The following PTPRM variants were observed in gnomAD, a reference collection of about 807,000 sequenced individuals.
PTPRM encodes the protein receptor-type tyrosine-protein phosphatase mu.
PTPRM carries 47 observed loss-of-function variants against 186.7 expected under a neutral mutation model. That is an observed-to-expected ratio of 0.25 (90% confidence interval 0.20 to 0.32). The LOEUF (loss-of-function observed/expected upper bound fraction) is 0.32, where lower values mean the gene tolerates loss of function less well. PTPRM is among the 10% of genes least tolerant of loss of function. PTPRM has a pLI of 1.00. For synonymous variants in PTPRM, 668 were observed against 674.9 expected (o/e 0.99, Z 0.16); for missense variants, 1,494 against 1,865.0 (o/e 0.80, Z 3.66).
intron 2 of PTPRM, among the ~76,000 whole-genome samples, chr18:7,806,979 A>G (rs933774410): frequency 1.3e-5 from 2 of 151,398 alleles, no homozygotes; most frequent in East Asian, 1.9e-4. Flanking sequence ...TGCCTTTCCC[A>G]CCTCCCTTTG....
chr18:8,146,992 C>T (rs893646985), intron 14 of PTPRM, among the ~76,000 whole-genome samples: 2 of 152,186 alleles, frequency 1.3e-5, no homozygotes, highest in Non-Finnish European at 2.9e-5. Flanking sequence ...GGCCTATGTT[C>T]TGTTCCATTG....
chr18:7,940,067 A>C (rs2052070685), intron 5 of PTPRM, among the ~76,000 whole-genome samples: 1 of 152,108 alleles, frequency 6.6e-6, no homozygotes, highest in Admixed American at 6.6e-5. Flanking sequence ...GCCTGTCTGC[A>C]CCTGACTTGC....
intron 2 of PTPRM, among the ~76,000 whole-genome samples, chr18:7,864,609 A>G (rs2047577698): frequency 6.6e-6 from 1 of 152,166 alleles, no homozygotes; most frequent in Admixed American, 6.5e-5. Context: ...GCCTTGTAGT[A>G]TAGTTGGAAG....
At chr18:7,882,326 A>G (rs75991385) in intron 2 of PTPRM, among the ~76,000 whole-genome samples, 1 of 152,256 alleles carries the variant, frequency 6.6e-6, no homozygotes, top group South Asian at 2.1e-4. Context: ...TTTTAAAAAA[A>G]CAACAACAAC....
chr18:8,371,017 A>C lies in PTPRM; in HGVS notation c.3171+11A>C, dbSNP rs200748225. The C allele has an allele frequency of 1.4e-4, 216 of 1,509,144 alleles. No homozygotes were observed. The highest frequency in any genetic ancestry group is 1.9e-4 in the Non-Finnish European group (207 of 1,089,124). 93.5% of individuals were successfully genotyped at this position (1,509,144 alleles called of 1,614,324 possible). A position where few individuals can be genotyped will look rare whatever the true frequency, so the allele number is the denominator to read the frequency against. On this transcript the variant is annotated intron_variant, in intron 24 of 32. Transcript: ENST00000580170. Reference sequence around the variant, plus strand: ...TTTGCTGTTGAAAAGGTAAGTTTTCATACTGCTTTTAAAAGCTATGGTCAG... The same window carrying C: ...TTTGCTGTTGAAAAGGTAAGTTTTCCTACTGCTTTTAAAAGCTATGGTCAG...
chr18:7,636,016 G>T (rs369845890), intron 1 of PTPRM, among the ~76,000 whole-genome samples: 17 of 152,346 alleles, frequency 1.1e-4, no homozygotes, highest in African/African-American at 3.8e-4. Flanking sequence ...GAGCAGTGGA[G>T]AGAATGAGAG....
At position 7,790,347 on chromosome 18, in the gene PTPRM, G is replaced by A. The variant is rs145940215; in HGVS notation, c.196+16076G>A. Among the ~76,000 whole-genome samples the A allele has an allele frequency of 3.3e-5, 5 of 152,318 alleles. No individual in the cohort carries two copies. The East Asian group carries it at 7.7e-4, about 24-fold the overall frequency. On this transcript the variant is annotated intron_variant, in intron 2 of 32. Transcript: ENST00000580170. ...GGGAGCACGTTTAAATCCCATGTGA[G>A]CCTTTCACAGGCAGCATCCTGCCCA...
chr18:7,694,476 G>C (rs527253259), intron 1 of PTPRM, among the ~76,000 whole-genome samples: 1 of 150,746 alleles, frequency 6.6e-6, no homozygotes, highest in Admixed American at 6.6e-5. Context: ...GCCCAGGCTG[G>C]ACTGCGGTAG....
intron 7 of PTPRM, among the ~76,000 whole-genome samples, chr18:7,986,734 T>A (rs986440572): frequency 5.3e-5 from 8 of 152,208 alleles, no homozygotes; most frequent in African/African-American, 1.9e-4. Flanking sequence ...GAGGTCTGAG[T>A]TGGTGTTTTG....
intron 14 of PTPRM, among the ~76,000 whole-genome samples, chr18:8,179,071 T>G (rs1204282131): frequency 1.3e-5 from 2 of 152,194 alleles, no homozygotes; most frequent in Non-Finnish European, 2.9e-5. Context: ...GGACTTTTAT[T>G]ATCTCTATAA....
intron 11 of PTPRM, among the ~76,000 whole-genome samples, chr18:8,103,906 A>G (rs1041271522): frequency 6.6e-6 from 1 of 152,166 alleles, no homozygotes; most frequent in African/African-American, 2.4e-5. Context: ...TTGAATACTT[A>G]AAGGCCATTG....
chr18:8,009,557 A>C (rs2147851634), intron 7 of PTPRM, among the ~76,000 whole-genome samples: 1 of 152,128 alleles, frequency 6.6e-6, no homozygotes, highest in African/African-American at 2.4e-5. Context: ...AAAATACAAA[A>C]ATTAGCCAGG....
chr18:7,573,982 T>A (rs1019493740), intron 1 of PTPRM, among the ~76,000 whole-genome samples: 11 of 152,274 alleles, frequency 7.2e-5, no homozygotes, highest in African/African-American at 2.6e-4. Flanking sequence ...TGACCCTGAA[T>A]CCGCAACCCT....
chr18:8,397,353 A>G (rs762534332), intron 32 of PTPRM, among the ~76,000 whole-genome samples: 1 of 152,184 alleles, frequency 6.6e-6, no homozygotes, highest in Non-Finnish European at 1.5e-5. Context: ...GATTGTTCTA[A>G]ATTGCTTCTG....
At chr18:8,084,484 G>A (rs986919529) in intron 9 of PTPRM, among the ~76,000 whole-genome samples, 2 of 152,150 alleles carry the variant, frequency 1.3e-5, no homozygotes, top group Non-Finnish European at 2.9e-5. Context: ...GTCATGCAGT[G>A]CAGTGATTAA....
intron 7 of PTPRM, among the ~76,000 whole-genome samples, chr18:7,988,801 T>A (rs1045097298): frequency 6.6e-6 from 1 of 152,194 alleles, no homozygotes; most frequent in Non-Finnish European, 1.5e-5. Context: ...TTTTGTTTAT[T>A]CTTTCACCTG....
chr18:8,405,879 G>A (rs1052850428), intron 32 of PTPRM, among the ~76,000 whole-genome samples: 3 of 152,120 alleles, frequency 2.0e-5, no homozygotes, highest in African/African-American at 7.2e-5. Context: ...AGAACCTTCC[G>A]GGAATTCTAG....
chr18:8,147,259 C>T lies in PTPRM; in HGVS notation c.2300+3480C>T, dbSNP rs796897846. Among the ~76,000 whole-genome samples the T allele has an allele frequency of 1.1e-4, 17 of 152,212 alleles. 1 individual carries two copies. Among genetic ancestry groups the T allele is most frequent in the African/African-American group, 4.1e-4 (17 of 41,534 alleles). On this transcript the variant is annotated intron_variant, in intron 14 of 32. Transcript: ENST00000580170. ...TGGGCAGTCTGGCCATTTTCACAATCTTAATTCTTCCTATCCATGAGCATA... is the reference window on the plus strand; with the variant it reads ...TGGGCAGTCTGGCCATTTTCACAATTTTAATTCTTCCTATCCATGAGCATA...
At chr18:7,763,164 G>C (rs888474737) in intron 1 of PTPRM, among the ~76,000 whole-genome samples, 17 of 152,170 alleles carry the variant, frequency 1.1e-4, no homozygotes, top group African/African-American at 4.1e-4. Flanking sequence ...TTATGCATTT[G>C]AGCATAGGAT....
Sources: gnomAD v4.1 joint callset for allele counts (sites outside exome capture counted in the v4.1 genomes callset) on GRCh38, gnomAD v4.1.1 for gene constraint, MANE v1.5 for transcripts, NCBI Gene and HGNC (gene_info 2026-07-23, HGNC 2026-07-21) for gene names.